Variants in SERGEF observed in about 807,000 individuals in gnomAD.
SERGEF encodes secretion regulating guanine nucleotide exchange factor, also known as secretion-regulating guanine nucleotide exchange factor.
Under a neutral mutation model 50.0 loss-of-function variants are expected in SERGEF, and 51 were observed. The observed-to-expected ratio is 1.02, with a 90% CI of 0.81 to 1.29. The LOEUF (loss-of-function observed/expected upper bound fraction) is 1.29, where lower values mean the gene tolerates loss of function less well. Among genes scored for constraint, SERGEF ranks in the 50% most tolerant of loss-of-function variants. The pLI, the probability that SERGEF is intolerant of heterozygous loss-of-function variation, is 0.00. For synonymous variants in SERGEF, 205 were observed against 212.4 expected (o/e 0.97, Z 0.30); for missense variants, 521 against 557.0 (o/e 0.94, Z 0.65).
chr11:17,923,582 G>A (rs780483176), intron 9 of SERGEF, among the ~76,000 whole-genome samples: 1 of 152,200 alleles, frequency 6.6e-6, no homozygotes, highest in Non-Finnish European at 1.5e-5. Context: ...CCAGGGTGGA[G>A]GCAGTACAGA....
intron 10 of SERGEF, among the ~76,000 whole-genome samples, chr11:17,869,524 T>A (rs1185721312): frequency 1.3e-5 from 2 of 151,992 alleles, no homozygotes; most frequent in Non-Finnish European, 2.9e-5. Context: ...TCTGATGGTA[T>A]ATAGTGAGGG....
intron 10 of SERGEF, among the ~76,000 whole-genome samples, chr11:17,876,387 C>T (rs2133896518): frequency 1.3e-5 from 2 of 152,300 alleles, no homozygotes; most frequent in East Asian, 3.9e-4. Flanking sequence ...GTTTCTCTTC[C>T]AACAAAGAAA....
rs538971505 is a variant in SERGEF at position 17,827,988 on chromosome 11, T to C, written c.1049-39575A>G. On this transcript the variant is annotated intron_variant, in intron 10 of 10. Transcript: ENST00000265965. Reference sequence around the variant, plus strand: ...AGACAAGCCTTGAGTGAAAAAGGCCTGTGATGCAGCAAGAAGGGGCTGATT... The same window carrying C: ...AGACAAGCCTTGAGTGAAAAAGGCCCGTGATGCAGCAAGAAGGGGCTGATT... Among the ~76,000 whole-genome samples, 37 of 152,326 alleles carry C rather than the reference T, an allele frequency of 2.4e-4. No homozygotes were observed. In the South Asian group the frequency reaches 7.7e-3, roughly 32 times the overall value.
intron 10 of SERGEF, among the ~76,000 whole-genome samples, chr11:17,839,904 C>T (rs1238291701): frequency 6.6e-6 from 1 of 152,218 alleles, no homozygotes; most frequent in East Asian, 1.9e-4. Flanking sequence ...AGAGGTGGAG[C>T]TGAGATTTAG....
chr11:17,976,339 G>T (rs1271083119), intron 8 of SERGEF, among the ~76,000 whole-genome samples: 1 of 152,072 alleles, frequency 6.6e-6, no homozygotes, highest in African/African-American at 2.4e-5. Context: ...AGGCTAGAGT[G>T]CAGTGGTGTG....
intron 10 of SERGEF, among the ~76,000 whole-genome samples, chr11:17,840,713 C>A (rs1850485691): frequency 6.6e-6 from 1 of 152,082 alleles, no homozygotes; most frequent in Non-Finnish European, 1.5e-5. Context: ...ACAAGCCAAC[C>A]CCCTGAACTC....
chr11:17,953,730 C>G (rs1852811527), intron 9 of SERGEF, among the ~76,000 whole-genome samples: 1 of 152,200 alleles, frequency 6.6e-6, no homozygotes, highest in Non-Finnish European at 1.5e-5. Context: ...TTGAACAAGA[C>G]AGAGAAGGCC....
At chr11:17,805,837 G>A (rs907017315) in intron 10 of SERGEF, among the ~76,000 whole-genome samples, 2 of 152,148 alleles carry the variant, frequency 1.3e-5, no homozygotes, top group Non-Finnish European at 2.9e-5. Context: ...CTATTGTTCT[G>A]ACAATTCCAG....
chr11:17,885,745 CT>C (rs1851418380), intron 9 of SERGEF, among the ~76,000 whole-genome samples: 1 of 152,086 alleles, frequency 6.6e-6, no homozygotes, highest in South Asian at 2.1e-4. Context: ...ACACGAGTCT[CT>C]TTTCTGTCTC....
intron 9 of SERGEF, among the ~76,000 whole-genome samples, chr11:17,938,224 G>A (rs999588717): frequency 1.3e-5 from 2 of 152,182 alleles, no homozygotes; most frequent in Non-Finnish European, 2.9e-5. Flanking sequence ...GAAAGGAAAG[G>A]AGGAGTCAGA....
chr11:17,880,903 A>T (rs1236746190), intron 9 of SERGEF, among the ~76,000 whole-genome samples: 2 of 152,342 alleles, frequency 1.3e-5, no homozygotes, highest in East Asian at 3.9e-4. Context: ...AGTGGTGGCT[A>T]GGGCAACAGT....
At chr11:17,899,448 T>C (rs896304530) in intron 9 of SERGEF, among the ~76,000 whole-genome samples, 2 of 152,186 alleles carry the variant, frequency 1.3e-5, no homozygotes, top group Non-Finnish European at 2.9e-5. Flanking sequence ...TTGTTTCTAT[T>C]TTACAGATAA....
In SERGEF at chr11:17,991,698, A is replaced by G. The variant is rs1025275514; in HGVS notation, c.685+1233T>C. The stretch of plus-strand genomic sequence containing the variant: ...TAGATGTTTGTTTTAAATTCATTAA[A>G]TGACAAATTATCTGCAGCTCAGAAT... On this transcript the variant is annotated intron_variant, in intron 7 of 10. Transcript: ENST00000265965. This position sits in a 1 kb window ranked among gnomAD's most constrained non-coding sequence, Gnocchi z 4.9. 5.3e-5 allele frequency among the ~76,000 whole-genome samples: 8 copies of G among 152,242 alleles called. No individual in the cohort carries two copies. The highest frequency in any genetic ancestry group is 1.0e-4 in the Non-Finnish European group (7 of 68,048).
chr11:17,941,055 C>G (rs1852554142), intron 9 of SERGEF, among the ~76,000 whole-genome samples: 1 of 152,150 alleles, frequency 6.6e-6, no homozygotes, highest in Non-Finnish European at 1.5e-5. Context: ...ATTCCTACTA[C>G]CTAGATTCTA....
At chr11:18,005,428 T>C (rs1004872530) in intron 3 of SERGEF, among the ~76,000 whole-genome samples, 1 of 152,128 alleles carries the variant, frequency 6.6e-6, no homozygotes, top group Admixed American at 6.5e-5. Flanking sequence ...ATATACTGCT[T>C]GGTATGACCA....
At chr11:17,972,383 C>T (rs921417665) in intron 8 of SERGEF, among the ~76,000 whole-genome samples, 2 of 152,186 alleles carry the variant, frequency 1.3e-5, no homozygotes, top group Non-Finnish European at 2.9e-5. Flanking sequence ...CAGTCTTCAG[C>T]AACCACATCC....
intron 8 of SERGEF, among the ~76,000 whole-genome samples, chr11:17,977,717 G>C (rs1191104395): frequency 6.6e-6 from 1 of 152,056 alleles, no homozygotes; most frequent in South Asian, 2.1e-4. Flanking sequence ...ATGAAGGTAG[G>C]GCCCTCATGA....
At chr11:17,885,488 AT>A (rs909465844) in intron 9 of SERGEF, among the ~76,000 whole-genome samples, 10 of 146,884 alleles carry the variant, frequency 6.8e-5, no homozygotes, top group Non-Finnish European at 7.6e-5. Context: ...TGCCTGGCCA[AT>A]TTTTTTTTTT....
chr11:17,842,064 T>G (rs1850512612), intron 10 of SERGEF, among the ~76,000 whole-genome samples: 1 of 152,196 alleles, frequency 6.6e-6, no homozygotes, highest in South Asian at 2.1e-4. Flanking sequence ...TAATTTTGCA[T>G]GACTGGTGCA....
Sources: allele counts gnomAD v4.1 joint callset (sites outside exome capture counted in the v4.1 genomes callset), GRCh38; gene constraint gnomAD v4.1.1; non-coding constraint Gnocchi (gnomAD v3.1); transcripts MANE v1.5; gene names NCBI Gene and HGNC (gene_info 2026-07-23, HGNC 2026-07-21).